PRMT7: variants seen among roughly 807,000 people sequenced by gnomAD.
PRMT7 encodes the protein protein arginine N-methyltransferase 7.
A neutral mutation model predicts 85.4 loss-of-function variants in PRMT7; 75 were observed. That is an observed-to-expected ratio of 0.88 (90% CI 0.73 to 1.06). The LOEUF is 1.06. Ranked by LOEUF, PRMT7 falls within the 50% of genes least tolerant of loss-of-function variation. The pLI is 0.00. For synonymous variants in PRMT7, 397 were observed against 359.5 expected (o/e 1.10, Z -1.18); for missense variants, 868 against 915.2 (o/e 0.95, Z 0.67).
At chr16:68,356,908 G>C (rs2088652163) in intron 18 of PRMT7, 111 bp downstream of exon 18, 1 of 1,373,578 alleles carries the variant, frequency 7.3e-7, no homozygotes, top group Non-Finnish European at 1.0e-6. Context: ...AGTTCTTCGG[G>C]CCAGATGATG....
In PRMT7 at chr16:68,358,301, G is replaced by A. The variant is rs534997025; in HGVS notation, c.*1077G>A. On this transcript the variant is annotated 3_prime_UTR_variant, in exon 19 of 19. Transcript: ENST00000441236. The stretch of plus-strand genomic sequence containing the variant: ...CCCTGAGGCCTGGCCCCAGCTTGTC[G>A]CTGAAATAAGTGGAGAACACCAGCC... 2 of 152,832 alleles carry A rather than the reference G, an allele frequency of 1.3e-5. No individual in the cohort carries two copies. Among genetic ancestry groups the A allele is most frequent in the South Asian group, 2.1e-4 (1 of 4,834 alleles). 9.5% of individuals were successfully genotyped at this position (152,832 alleles called of 1,614,324 possible). A position where few individuals can be genotyped will look rare whatever the true frequency, so the allele number is the denominator to read the frequency against.
chr16:68,338,863 C>T (rs570237375), intron 7 of PRMT7, among the ~76,000 whole-genome samples: 2 of 152,124 alleles, frequency 1.3e-5, no homozygotes, highest in Non-Finnish European at 2.9e-5. Flanking sequence ...GACAAGGAGC[C>T]GGAGCCGGAG....
chr16:68,339,987 G>A lies in PRMT7; in HGVS notation c.927+19G>A, dbSNP rs754156112. The A allele has an allele frequency of 4.4e-6, 7 of 1,585,600 alleles. No individual in the cohort carries two copies. Among genetic ancestry groups the A allele is most frequent in the Admixed American group, 1.9e-5 (1 of 53,192 alleles). ...GATGCAGGTAAGAGGCAGGAGCCTA[G>A]CATGTGCCCTGTCAGGAAACTTGTC... is the stretch of plus-strand genomic sequence containing the variant. On this transcript the variant is annotated intron_variant, in intron 9 of 18. Transcript: ENST00000441236.
At position 68,352,166 on chromosome 16, in the gene PRMT7, G is replaced by A. The variant is rs76159452; in HGVS notation, c.1414-82G>A. 6,179 of 1,431,736 alleles carry A rather than the reference G, an allele frequency of 4.3e-3. 252 individuals carry two copies. The African/African-American group carries it at 0.076, about 18-fold the overall frequency. 88.7% of individuals were successfully genotyped at this position (1,431,736 alleles called of 1,614,324 possible). A position where few individuals can be genotyped will look rare whatever the true frequency, so the allele number is the denominator to read the frequency against. ...AGGGAGTGACTTGAGTGACTGAGTG[G>A]CCTGTTGCTTCCGTGTTCCTGTTAA... On this transcript the variant is annotated intron_variant, in intron 14 of 18. Coordinates refer to ENST00000441236, the MANE Select transcript of PRMT7 (RefSeq NM_019023.5).
chr16:68,347,062 C>G (rs1343943573), intron 11 of PRMT7, 149 bp from the exon 12 acceptor site: 3 of 659,646 alleles, frequency 4.5e-6, no homozygotes, highest in Non-Finnish European at 7.9e-6. Flanking sequence ...ATGTTTGTGG[C>G]TGGGGGTGGT....
chr16:68,341,799 A>G (rs1055950613), intron 9 of PRMT7, among the ~76,000 whole-genome samples: 1 of 152,218 alleles, frequency 6.6e-6, no homozygotes, highest in Non-Finnish European at 1.5e-5. Flanking sequence ...CCGAAAAGAC[A>G]TTTCAAAGGG....
At chr16:68,352,216 C>T (rs1224942122) in intron 14 of PRMT7, 32 bp from the exon 15 acceptor site, 1 of 1,607,610 alleles carries the variant, frequency 6.2e-7, no homozygotes, top group Non-Finnish European at 8.5e-7. Context: ...GCCCTACTGA[C>T]ACCTGGGCCC....
At chr16:68,346,379 G>C in intron 11 of PRMT7, 99 bp downstream of exon 11, 1 of 1,548,828 alleles carries the variant, frequency 6.5e-7, no homozygotes, top group South Asian at 1.2e-5. Context: ...TTTCTTTCCT[G>C]TGTCCTCTTG....
chr16:68,346,345 C>T, intron 11 of PRMT7, 65 bp downstream of exon 11: 2 of 1,599,374 alleles, frequency 1.3e-6, no homozygotes, highest in Non-Finnish European at 1.7e-6. Context: ...CCATGAACCC[C>T]AGCACTTTGC....
At chr16:68,355,532 G>A in intron 16 of PRMT7, 191 bp from the exon 17 acceptor site, 1 of 505,616 alleles carries the variant, frequency 2.0e-6, no homozygotes, top group East Asian at 3.4e-5. Context: ...AGAGCCAGCG[G>A]TGCCTGGGGA....
At chr16:68,343,947 C>T (rs915265228) in intron 9 of PRMT7, among the ~76,000 whole-genome samples, 1 of 152,172 alleles carries the variant, frequency 6.6e-6, no homozygotes, top group Non-Finnish European at 1.5e-5. Flanking sequence ...GCAGTCGTCT[C>T]ATCAGAGTTG....
chr16:68,335,587 C>CTTTT (rs879500343), intron 6 of PRMT7, among the ~76,000 whole-genome samples: 2 of 143,748 alleles, frequency 1.4e-5, no homozygotes, highest in African/African-American at 5.1e-5. Context: ...AGGAAGTGTG[C>CTTTT]TTTTTTTTTT....
chr16:68,318,957 A>G (rs1223058172), intron 3 of PRMT7: 4 of 152,296 alleles, frequency 2.6e-5, no homozygotes, highest in African/African-American at 9.6e-5. Flanking sequence ...CCAGAGCTGC[A>G]TAGTCCCAGA....
chr16:68,315,804 T>C, intron 2 of PRMT7, 93 bp from the exon 3 acceptor site: 1 of 622,450 alleles, frequency 1.6e-6, no homozygotes, highest in South Asian at 1.8e-5. Flanking sequence ...TGTCTCCCCT[T>C]CCCCCCTCCA....
chr16:68,350,833 C>T (rs891157867), intron 14 of PRMT7, among the ~76,000 whole-genome samples: 10 of 152,234 alleles, frequency 6.6e-5, no homozygotes, highest in African/African-American at 1.7e-4. Flanking sequence ...TGTGGTCTTT[C>T]GTGGCTGGCC....
At chr16:68,325,948 T>C (rs1262849572) in intron 5 of PRMT7, among the ~76,000 whole-genome samples, 1 of 152,242 alleles carries the variant, frequency 6.6e-6, no homozygotes, top group East Asian at 1.9e-4. Context: ...AGCTCTCTTA[T>C]GTTTACCAAT....
At chr16:68,352,435 A>C in intron 15 of PRMT7, 26 bp downstream of exon 15, 1 of 1,572,858 alleles carries the variant, frequency 6.4e-7, no homozygotes, top group African/African-American at 1.3e-5. Context: ...GATGTTGGAG[A>C]AAAAAGCAGA....
intron 17 of PRMT7, among the ~76,000 whole-genome samples, 180 bp from the exon 18 acceptor site, chr16:68,356,521 C>T (rs2088527364): frequency 1.3e-5 from 2 of 152,232 alleles, no homozygotes; most frequent in Non-Finnish European, 1.5e-5. Context: ...GGCTTGGCTG[C>T]GGCTCTTCTG....
Position 68,339,326 on chromosome 16 carries a change from A to G in PRMT7, c.509A>G (p.Asn170Ser). The change falls in exon 8 of 19, where the codon AAT becomes AGT. Residue 170 changes from asparagine to serine, a missense_variant. Physicochemically the swap from Asn to Ser is conservative, Grantham distance 46. Transcript: ENST00000441236. ...EHAHRHLVEE[N>S]CEAVPHRATV... ...TTGTTTTTAATATAAACTTAGGAAA[A>G]TTGTGAGGCCGTGCCCCACAGAGCC... The G allele has an allele frequency of 6.2e-7, 1 of 1,613,726 alleles. No homozygotes were observed. The highest frequency in any genetic ancestry group is 8.5e-7 in the Non-Finnish European group (1 of 1,179,638).
Sources: allele counts gnomAD v4.1 joint callset (sites outside exome capture counted in the v4.1 genomes callset), GRCh38; gene constraint gnomAD v4.1.1; transcripts MANE v1.5; gene names NCBI Gene and HGNC (gene_info 2026-07-23, HGNC 2026-07-21).